THOC5: variants seen among roughly 807,000 people sequenced by gnomAD.
THOC5 encodes THO complex subunit 5, also known as Fms-interacting protein.
THOC5 carries 43 observed loss-of-function variants against 92.9 expected under a neutral mutation model. The ratio of observed to expected loss-of-function variants is 0.46; its 90% CI spans 0.36 to 0.60. The LOEUF is 0.60. THOC5 is among the 20% of genes least tolerant of loss of function. The pLI, the probability that THOC5 is intolerant of heterozygous loss-of-function variation, is 0.00. For missense variants in THOC5, 659 were observed against 849.4 expected, an observed-to-expected ratio of 0.78 and a Z score of 2.79; for synonymous variants, 296 against 320.1, an observed-to-expected ratio of 0.92 and a Z score of 0.80.
At chr22:29,553,362 C>T (rs1161572450) in intron 1 of THOC5, 1 of 153,106 alleles carries the variant, frequency 6.5e-6, no homozygotes, top group Non-Finnish European at 1.5e-5. Context: ...TTTGGCAACA[C>T]AGTAGAGTGC....
chr22:29,545,679 C>G (rs2064002180), intron 2 of THOC5, among the ~76,000 whole-genome samples: 1 of 152,214 alleles, frequency 6.6e-6, no homozygotes, highest in African/African-American at 2.4e-5. Context: ...CCAGGTCAAG[C>G]TGATGCAAAA....
intron 5 of THOC5, 26 bp from the exon 6 acceptor site, chr22:29,539,502 C>A: frequency 6.2e-7 from 1 of 1,604,354 alleles, no homozygotes; most frequent in Non-Finnish European, 8.5e-7. Context: ...TGACATCAAG[C>A]TGCTGTTCTC....
rs762503062 is a variant in THOC5, at chr22:29,542,811, A to C, written c.452+48T>G. ...TACAGTGAGCTACATGGGAAAAAGC[A>C]GTTACCGAAAGACCACATGTGCCAA... is the stretch of plus-strand genomic sequence containing the variant. On this transcript the variant is annotated intron_variant, in intron 5 of 19. Transcript: ENST00000490103. 7.8e-6 allele frequency: 10 copies of C among 1,274,026 alleles called. No homozygotes were observed. In the East Asian group the frequency reaches 2.3e-4, roughly 30 times the overall value. 78.9% of individuals were successfully genotyped at this position (1,274,026 alleles called of 1,614,324 possible).
chr22:29,544,973 CA>C, intron 2 of THOC5: 1 of 344,698 alleles, frequency 2.9e-6, no homozygotes, highest in African/African-American at 2.2e-5. Flanking sequence ...CTGTTAAGTG[CA>C]ACTTCCCATC....
At chr22:29,527,638 A>G (rs995770520) in intron 11 of THOC5, among the ~76,000 whole-genome samples, 1 of 152,198 alleles carries the variant, frequency 6.6e-6, no homozygotes, top group Admixed American at 6.5e-5. Context: ...CTGTGGTGAG[A>G]GGGAAACTTA....
chr22:29,543,940 G>A (rs1051907269), intron 3 of THOC5, among the ~76,000 whole-genome samples: 2 of 152,106 alleles, frequency 1.3e-5, no homozygotes, highest in African/African-American at 4.8e-5. Flanking sequence ...AGAATAGATT[G>A]AATGCAATAA....
intron 7 of THOC5, among the ~76,000 whole-genome samples, chr22:29,533,872 T>C (rs770644551): frequency 9.9e-5 from 15 of 152,224 alleles, no homozygotes; most frequent in Non-Finnish European, 1.8e-4. Flanking sequence ...AACTTGCATA[T>C]GGTGCTGGTG....
At chr22:29,544,389 C>A in intron 3 of THOC5, 71 bp downstream of exon 3, 1 of 1,522,120 alleles carries the variant, frequency 6.6e-7, no homozygotes, top group Non-Finnish European at 8.9e-7. Flanking sequence ...AGGAAGGGCC[C>A]TGGTAGGTGC....
intron 5 of THOC5, among the ~76,000 whole-genome samples, chr22:29,542,463 C>A (rs142492585): frequency 1.1e-3 from 162 of 152,248 alleles, no homozygotes; most frequent in African/African-American, 3.4e-3. Flanking sequence ...CATCAGATTT[C>A]TTTTTAAAGA....
rs1037940217 is a variant in THOC5, at chr22:29,544,393, T to C, written c.240+67A>G. 36 of 1,532,826 alleles carry C rather than the reference T, an allele frequency of 2.3e-5. No homozygotes were observed. In the African/African-American group the frequency reaches 3.7e-4, roughly 16 times the overall value. 95.0% of individuals were successfully genotyped at this position (1,532,826 alleles called of 1,614,324 possible). On this transcript the variant is annotated intron_variant, in intron 3 of 19. Transcript: ENST00000490103. ...AGATCAAGATCAGGAAGGGCCCTGGTAGGTGCAAAAACAGCCTCATCTATG... is the reference window on the plus strand; with the variant it reads ...AGATCAAGATCAGGAAGGGCCCTGGCAGGTGCAAAAACAGCCTCATCTATG...
chr22:29,511,338 C>T lies in THOC5; in HGVS notation c.1798-42G>A. The T allele has an allele frequency of 1.9e-6, 3 of 1,584,472 alleles. 1 individual carries two copies. The highest frequency in any genetic ancestry group is 2.2e-5 in the South Asian group (2 of 89,168). On this transcript the variant is annotated intron_variant, in intron 18 of 19. Coordinates refer to ENST00000490103, the MANE Select transcript of THOC5 (RefSeq NM_003678.5). ...CCAGCATCTCAGCACTACCTTCCTG[C>T]ATGTGGGGGACCACACTGGCCAGGC... is the stretch of plus-strand genomic sequence containing the variant.
intron 9 of THOC5, among the ~76,000 whole-genome samples, chr22:29,528,668 A>C (rs1601417492): frequency 6.7e-6 from 1 of 149,168 alleles, no homozygotes; most frequent in Non-Finnish European, 1.5e-5. Context: ...AATGACGTAT[A>C]ACTCATTTTT....
intron 12 of THOC5, among the ~76,000 whole-genome samples, chr22:29,523,973 GC>G (rs1433174219): frequency 6.6e-6 from 1 of 152,210 alleles, no homozygotes. Context: ...TGGGCTGGGA[GC>G]CCAGAGTCTC....
chr22:29,548,972 G>T, intron 2 of THOC5, 80 bp downstream of exon 2: 1 of 1,415,762 alleles, frequency 7.1e-7, no homozygotes. Flanking sequence ...ATGCGACCCC[G>T]AGCTGCTGCA....
intron 1 of THOC5, chr22:29,550,646 T>C (rs947586548): frequency 4.6e-5 from 7 of 152,180 alleles, no homozygotes; most frequent in Admixed American, 1.3e-4. Flanking sequence ...TACTCTTTCA[T>C]GGCTATGAGT....
intron 17 of THOC5, among the ~76,000 whole-genome samples, chr22:29,516,147 G>T (rs375383305): frequency 8.2e-6 from 1 of 122,056 alleles, no homozygotes; most frequent in Admixed American, 8.8e-5. Flanking sequence ...TATCTCTACT[G>T]AAAAAAAAAA....
At chr22:29,515,387 T>C (rs904856015) in intron 17 of THOC5, among the ~76,000 whole-genome samples, 4 of 152,216 alleles carry the variant, frequency 2.6e-5, no homozygotes, top group Admixed American at 6.6e-5. Context: ...ACTTAGACTA[T>C]AGTGCAAACA....
At position 29,549,236 on chromosome 22, in the gene THOC5, A is replaced by G. The variant is rs1167711223; in HGVS notation, c.-11-78T>C. The G allele has an allele frequency of 3.1e-6, 4 of 1,304,302 alleles. No individual in the cohort carries two copies. The African/African-American group carries it at 4.4e-5, about 14-fold the overall frequency. The allele number at this position is 1,304,302 out of a possible 1,614,324, so 80.8% of individuals were successfully genotyped here. A position where few individuals can be genotyped will look rare whatever the true frequency, so the allele number is the denominator to read the frequency against. ...CAAACTAGCAGTTCTGGCCACTTAC[A>G]GACTTGGTAACTCAAGGAAAGTCAT... On this transcript the variant is annotated intron_variant, in intron 1 of 19. Transcript: ENST00000490103.
intron 8 of THOC5, chr22:29,531,113 G>C: frequency 8.4e-7 from 1 of 1,187,762 alleles, no homozygotes; most frequent in South Asian, 1.6e-5. Context: ...CATATGAGCT[G>C]ATGATGGAAA....
Sources: allele counts gnomAD v4.1 joint callset (sites outside exome capture counted in the v4.1 genomes callset), GRCh38; gene constraint gnomAD v4.1.1; transcripts MANE v1.5; gene names NCBI Gene and HGNC (gene_info 2026-07-23, HGNC 2026-07-21).